NRG3: variants seen among roughly 807,000 people sequenced by gnomAD.
NRG3 encodes the protein pro-neuregulin-3, membrane-bound isoform.
In NRG3, 31 loss-of-function variants were observed where a neutral mutation model predicts 66.9. The ratio of observed to expected loss-of-function variants is 0.46; its 90% CI spans 0.35 to 0.63. The LOEUF (loss-of-function observed/expected upper bound fraction) is 0.63, where lower values mean the gene tolerates loss of function less well. Ranked by LOEUF, NRG3 falls within the 20% of genes least tolerant of loss-of-function variation. The probability of loss-of-function intolerance (pLI) is 0.00; values close to 1 mark genes in which losing one functional copy is unlikely to be tolerated. For missense variants in NRG3, 910 were observed against 878.9 expected (o/e 1.04, Z -0.45); for synonymous variants, 393 against 359.4 (o/e 1.09, Z -1.06).
intron 2 of NRG3, among the ~76,000 whole-genome samples, chr10:82,544,194 CATG>C (rs1336225663): frequency 6.6e-6 from 1 of 152,132 alleles, no homozygotes; most frequent in Non-Finnish European, 1.5e-5. Flanking sequence ...ATTGACCTAG[CATG>C]ATGCTGATTT....
rs1842763294 is a variant in NRG3 at position 82,487,279 on chromosome 10, T to C, written c.953+128411T>C. 2.0e-5 allele frequency among the ~76,000 whole-genome samples: 3 copies of C among 152,164 alleles called. No individual in the cohort carries two copies. In the South Asian group the frequency reaches 6.2e-4, roughly 32 times the overall value. ...CAGATACTTCATCGTCCTGCAAGTA[T>C]GTAAATGCATTTTAAAATGAACACC... is the stretch of plus-strand genomic sequence containing the variant. On this transcript the variant is annotated intron_variant, in intron 2 of 8. Transcript: ENST00000372141.
At chr10:82,744,849 G>A (rs1027477742) in intron 3 of NRG3, among the ~76,000 whole-genome samples, 1 of 152,084 alleles carries the variant, frequency 6.6e-6, no homozygotes, top group African/African-American at 2.4e-5. Flanking sequence ...TCCATTCAGA[G>A]CATGTCATGC....
At chr10:82,735,006 C>CA (rs11404285) in intron 2 of NRG3, among the ~76,000 whole-genome samples, 75,923 of 128,206 alleles carry the variant, frequency 0.59, 21,220 homozygotes, top group Admixed American at 0.64. Flanking sequence ...GACTCTGCCT[C>CA]AAAAAAAAAA....
At chr10:82,654,255 A>G (rs2051671549) in intron 2 of NRG3, among the ~76,000 whole-genome samples, 1 of 152,172 alleles carries the variant, frequency 6.6e-6, no homozygotes, top group Admixed American at 6.5e-5. Context: ...TTTATCTCTC[A>G]TTGCAGGCTT....
chr10:81,911,979 A>G (rs989187530), intron 1 of NRG3, among the ~76,000 whole-genome samples: 1 of 152,168 alleles, frequency 6.6e-6, no homozygotes, highest in Non-Finnish European at 1.5e-5. Flanking sequence ...GTTAATTACC[A>G]GAGATTAGAA....
intron 1 of NRG3, among the ~76,000 whole-genome samples, chr10:82,322,409 T>C (rs1441092993): frequency 6.6e-6 from 1 of 152,146 alleles, no homozygotes; most frequent in African/African-American, 2.4e-5. Flanking sequence ...TCAAATAATA[T>C]GAGATTAAAA....
chr10:82,757,608 A>G (rs762901991), intron 3 of NRG3, among the ~76,000 whole-genome samples: 20 of 152,134 alleles, frequency 1.3e-4, no homozygotes, highest in Non-Finnish European at 2.4e-4. Context: ...ATGATGCAAT[A>G]TATTGGATGA....
At chr10:82,335,572 A>G (rs1238140328) in intron 1 of NRG3, among the ~76,000 whole-genome samples, 2 of 152,144 alleles carry the variant, frequency 1.3e-5, no homozygotes, top group Non-Finnish European at 2.9e-5. Context: ...TGAGCCCAGA[A>G]GTTTAAGGCA....
chr10:82,315,026 T>C (rs1564785961), intron 1 of NRG3, among the ~76,000 whole-genome samples: 1 of 152,180 alleles, frequency 6.6e-6, no homozygotes, highest in Non-Finnish European at 1.5e-5. Flanking sequence ...ACCTGTATAT[T>C]TACCTGAATT....
At chr10:82,977,387 T>C (rs1852376274) in intron 7 of NRG3, among the ~76,000 whole-genome samples, 1 of 152,008 alleles carries the variant, frequency 6.6e-6, no homozygotes, top group Non-Finnish European at 1.5e-5. Context: ...GGTGGGTGGA[T>C]CACCTGAGGT....
At chr10:81,959,679 T>G (rs967824693) in intron 1 of NRG3, among the ~76,000 whole-genome samples, 1 of 152,164 alleles carries the variant, frequency 6.6e-6, no homozygotes. Context: ...CTTCATTTTT[T>G]TTTTAGAGAT....
intron 1 of NRG3, among the ~76,000 whole-genome samples, chr10:82,170,654 GTATATATATATATATATA>G (rs370773918): frequency 0.015 from 1,108 of 74,200 alleles, 36 homozygotes; most frequent in African/African-American, 0.038. Context: ...AAAACTTGTG[GTATATATATATATATATA>G]TATATATATA....
chr10:82,077,357 G>A (rs1012749152), intron 1 of NRG3, among the ~76,000 whole-genome samples: 1 of 152,092 alleles, frequency 6.6e-6, no homozygotes, highest in African/African-American at 2.4e-5. Flanking sequence ...TTAAATGGTG[G>A]TGCTTTCATT....
At chr10:82,482,751 T>C (rs919794274) in intron 2 of NRG3, among the ~76,000 whole-genome samples, 3 of 152,200 alleles carry the variant, frequency 2.0e-5, no homozygotes, top group Non-Finnish European at 2.9e-5. Flanking sequence ...ACAGGGATAG[T>C]CATCTCTACT....
In NRG3 at chr10:81,940,548, G is replaced by T. The variant is rs183159396; in HGVS notation, c.823+64385G>T. ...TTATTTTTATTTTTTGAGGAGATGG[G>T]GGTCTCATTATGTTGTGCAGGCTCC... On this transcript the variant is annotated intron_variant, in intron 1 of 8. Coordinates refer to ENST00000372141, the MANE Select transcript of NRG3 (RefSeq NM_001010848.4). Among the ~76,000 whole-genome samples, 756 of 151,872 alleles carry T rather than the reference G, an allele frequency of 5.0e-3. 5 individuals carry two copies. Among genetic ancestry groups the T allele is most frequent in the Middle Eastern group, 0.02 (6 of 294 alleles).
At chr10:82,829,276 G>T (rs182616419) in intron 3 of NRG3, among the ~76,000 whole-genome samples, 2 of 152,138 alleles carry the variant, frequency 1.3e-5, no homozygotes, top group African/African-American at 4.8e-5. Context: ...CTGCATTTCT[G>T]GATACCTACC....
chr10:82,024,860 T>G (rs1028942386), intron 1 of NRG3, among the ~76,000 whole-genome samples: 1 of 152,102 alleles, frequency 6.6e-6, no homozygotes, highest in Non-Finnish European at 1.5e-5. Context: ...TCAAAGCCTT[T>G]TAGACAAAAC....
At chr10:82,384,972 C>T (rs1045150895) in intron 2 of NRG3, among the ~76,000 whole-genome samples, 1 of 152,120 alleles carries the variant, frequency 6.6e-6, no homozygotes, top group Non-Finnish European at 1.5e-5. Context: ...AAACCATTCT[C>T]CAGCATCTGT....
intron 1 of NRG3, among the ~76,000 whole-genome samples, chr10:82,266,132 G>A (rs1051367571): frequency 6.6e-6 from 1 of 152,138 alleles, no homozygotes; most frequent in South Asian, 2.1e-4. Flanking sequence ...TCAAAATAGT[G>A]TATGCTTATG....
Sources: gnomAD v4.1 joint callset for allele counts (sites outside exome capture counted in the v4.1 genomes callset) on GRCh38, gnomAD v4.1.1 for gene constraint, MANE v1.5 for transcripts, NCBI Gene and HGNC (gene_info 2026-07-23, HGNC 2026-07-21) for gene names.